CGNL1: variants seen among roughly 807,000 people sequenced by gnomAD.
The protein encoded by CGNL1 is cingulin like 1, also known as cingulin-like protein 1.
A neutral mutation model predicts 141.2 loss-of-function variants in CGNL1; 132 were observed. The ratio of observed to expected loss-of-function variants is 0.93; its 90% CI spans 0.81 to 1.08. The LOEUF is 1.08. Among genes scored for constraint, CGNL1 ranks in the 50% least tolerant of loss-of-function variants. The pLI, the probability that CGNL1 is intolerant of heterozygous loss-of-function variation, is 0.00. For synonymous variants in CGNL1, 690 were observed against 622.1 expected, an observed-to-expected ratio of 1.11 and a Z score of -1.63; for missense variants, 1,870 against 1,588.6, an observed-to-expected ratio of 1.18 and a Z score of -3.01.
chr15:57,408,526 A>T (rs1405009637), intron 1 of CGNL1, among the ~76,000 whole-genome samples: 1 of 152,044 alleles, frequency 6.6e-6, no homozygotes, highest in Non-Finnish European at 1.5e-5. Context: ...TTTCCGGGAT[A>T]ATATAATTTA....
chr15:57,412,410 T>G (rs529717329), intron 1 of CGNL1, among the ~76,000 whole-genome samples: 1 of 152,376 alleles, frequency 6.6e-6, no homozygotes, highest in Non-Finnish European at 1.5e-5. Context: ...TGCTCTCCTC[T>G]GGCCTCTTTG....
intron 5 of CGNL1, 77 bp downstream of exon 5, chr15:57,451,678 A>T: frequency 9.3e-7 from 1 of 1,074,022 alleles, no homozygotes. Context: ...GCATTGGGAT[A>T]ACCAGAGTGA....
At chr15:57,483,957 T>C (rs1442921994) in intron 8 of CGNL1, among the ~76,000 whole-genome samples, 2 of 152,228 alleles carry the variant, frequency 1.3e-5, no homozygotes, top group African/African-American at 2.4e-5. Context: ...TTGATCCTAC[T>C]GTATAATTCT....
chr15:57,547,422 G>C lies in CGNL1; in HGVS notation c.3841G>C (p.Gly1281Arg). The change falls in exon 19 of 19, where the codon GGA becomes CGA. Residue 1281 changes from glycine (G) to arginine (R), a missense_variant. Physicochemically the swap from Gly to Arg is moderately radical, Grantham distance 125. Coordinates refer to ENST00000281282, the MANE Select transcript of CGNL1 (RefSeq NM_032866.5). The stretch of plus-strand genomic sequence containing the variant: ...CGACGATGACCTCAGCACGGATGGG[G>C]GAAGCCTCTATGAGGCGCCTGTGAG... ...DDDDDLSTDG[G>R]SLYEAPVSYT... 1 of 1,614,198 alleles carries C rather than the reference G, an allele frequency of 6.2e-7. No individual in the cohort carries two copies. The highest frequency in any genetic ancestry group is 8.5e-7 in the Non-Finnish European group (1 of 1,180,024).
At chr15:57,392,299 G>T (rs2062552610) in intron 1 of CGNL1, among the ~76,000 whole-genome samples, 1 of 152,110 alleles carries the variant, frequency 6.6e-6, no homozygotes, top group African/African-American at 2.4e-5. Flanking sequence ...GATGTGATAG[G>T]ATAGGAGTGC....
At chr15:57,542,856 T>TA (rs1417947875) in intron 14 of CGNL1, among the ~76,000 whole-genome samples, 2 of 152,294 alleles carry the variant, frequency 1.3e-5, no homozygotes, top group African/African-American at 4.8e-5. Context: ...CAGGCAAACT[T>TA]AGACAGTGGG....
At chr15:57,383,306 G>GTTTTTTTGT (rs2062445475) in intron 1 of CGNL1, among the ~76,000 whole-genome samples, 1 of 82,624 alleles carries the variant, frequency 1.2e-5, no homozygotes, top group African/African-American at 5.1e-5. Context: ...TTTTTTTTTT[G>GTTTTTTTGT]TTTTTTTGAT....
At chr15:57,523,359 T>C (rs2031393791) in intron 10 of CGNL1, 130 bp from the exon 11 acceptor site, 2 of 748,022 alleles carry the variant, frequency 2.7e-6, no homozygotes, top group Non-Finnish European at 4.3e-6. Context: ...TTTATTTTGA[T>C]CTTCTTCCTC....
chr15:57,400,574 T>C (rs184731310), intron 1 of CGNL1, among the ~76,000 whole-genome samples: 8 of 152,256 alleles, frequency 5.3e-5, no homozygotes, highest in Admixed American at 5.2e-4. Flanking sequence ...CTTATTTTCT[T>C]TCTTATTGTA....
At chr15:57,432,660 G>A (rs1334996460) in intron 1 of CGNL1, among the ~76,000 whole-genome samples, 3 of 152,198 alleles carry the variant, frequency 2.0e-5, no homozygotes, top group Admixed American at 6.5e-5. Context: ...GATTGTAAAC[G>A]TGGCCCAGTG....
chr15:57,410,175 G>A (rs1376398737), intron 1 of CGNL1, among the ~76,000 whole-genome samples: 2 of 152,194 alleles, frequency 1.3e-5, no homozygotes, highest in Non-Finnish European at 2.9e-5. Flanking sequence ...AGAGGACTGT[G>A]GAGTGAGACA....
chr15:57,397,037 G>C (rs1373124034), intron 1 of CGNL1: 1 of 152,132 alleles, frequency 6.6e-6, no homozygotes, highest in Non-Finnish European at 1.5e-5. Context: ...TCAATCTGTG[G>C]GTTCAGGACG....
chr15:57,528,718 G>C lies in CGNL1; in HGVS notation c.3104G>C (p.Arg1035Thr). ...QRAQDEALTKRQLLEQTLKDL... is the reference protein window; with the variant it reads ...QRAQDEALTKTQLLEQTLKDL... The stretch of plus-strand genomic sequence containing the variant: ...GCTCAGGATGAAGCACTCACAAAAA[G>C]GCAGCTTCTGGAGCAGACGCTGAAG... The change falls in exon 13 of 19, where the codon AGG (arginine) becomes ACG (threonine). Residue 1035 changes from arginine (R) to threonine (T), a missense_variant. Transcript: ENST00000281282. The C allele has an allele frequency of 6.2e-7, 1 of 1,614,158 alleles. No homozygotes were observed. Among genetic ancestry groups the C allele is most frequent in the South Asian group, 1.1e-5 (1 of 91,078 alleles).
At chr15:57,524,535 C>G in intron 11 of CGNL1, 46 bp from the exon 12 acceptor site, 1 of 1,548,036 alleles carries the variant, frequency 6.5e-7, no homozygotes, top group South Asian at 1.2e-5. Flanking sequence ...AGACCCTGGT[C>G]TCAGAGCATC....
intron 1 of CGNL1, among the ~76,000 whole-genome samples, chr15:57,431,532 G>A (rs1459345530): frequency 6.6e-6 from 1 of 152,120 alleles, no homozygotes; most frequent in Non-Finnish European, 1.5e-5. Context: ...TCTGGTTGAG[G>A]TTCTAGTGTG....
intron 7 of CGNL1, 54 bp from the exon 8 acceptor site, chr15:57,461,626 C>T (rs1321580435): frequency 8.1e-6 from 12 of 1,483,638 alleles, no homozygotes; most frequent in Non-Finnish European, 1.1e-5. Flanking sequence ...GATACAGGGC[C>T]TCTCAACAAG....
chr15:57,427,096 C>T (rs1039854335), intron 1 of CGNL1, among the ~76,000 whole-genome samples: 12 of 152,138 alleles, frequency 7.9e-5, no homozygotes, highest in Non-Finnish European at 1.3e-4. Flanking sequence ...GGTAGTCCCC[C>T]TTCCCCTGCT....
At chr15:57,469,721 C>T (rs1330067710) in intron 8 of CGNL1, among the ~76,000 whole-genome samples, 2 of 152,102 alleles carry the variant, frequency 1.3e-5, no homozygotes, top group African/African-American at 4.8e-5. Context: ...CCCCCTTCAC[C>T]ACCACCCTCC....
At chr15:57,402,168 C>T (rs960946946) in intron 1 of CGNL1, 1 of 152,148 alleles carries the variant, frequency 6.6e-6, no homozygotes, top group African/African-American at 2.4e-5. Context: ...GGGAGTAGAT[C>T]CCTCATGAAT....
Sources: gnomAD v4.1 joint callset for allele counts (sites outside exome capture counted in the v4.1 genomes callset) on GRCh38, gnomAD v4.1.1 for gene constraint, MANE v1.5 for transcripts, NCBI Gene and HGNC (gene_info 2026-07-23, HGNC 2026-07-21) for gene names.